The following ILRUN variants were observed in gnomAD, a reference collection of about 807,000 sequenced individuals.
ILRUN encodes the protein protein ILRUN.
Under a neutral mutation model 33.8 loss-of-function variants are expected in ILRUN, and 3 were observed. The ratio of observed to expected loss-of-function variants is 0.09; its 90% CI spans 0.04 to 0.23. The LOEUF is 0.23. Among genes scored for constraint, ILRUN ranks in the 10% least tolerant of loss-of-function variants. The pLI is 1.00. For missense variants in ILRUN, 210 were observed against 375.1 expected (o/e 0.56, Z 3.64); for synonymous variants, 124 against 138.9 (o/e 0.89, Z 0.75).
At chr6:34,682,314 G>C (rs1438481699) in intron 1 of ILRUN, among the ~76,000 whole-genome samples, 1 of 148,008 alleles carries the variant, frequency 6.8e-6, no homozygotes, top group Non-Finnish European at 1.5e-5. Flanking sequence ...CTGGAGTGCG[G>C]TGGCGCGATC....
intron 4 of ILRUN, among the ~76,000 whole-genome samples, chr6:34,596,420 A>G (rs1423687964): frequency 6.6e-6 from 1 of 152,094 alleles, no homozygotes; most frequent in Non-Finnish European, 1.5e-5. Context: ...GGGTTCAAGC[A>G]ATTCTCCTGC....
At chr6:34,612,744 T>C in intron 3 of ILRUN, among the ~76,000 whole-genome samples, 1 of 151,992 alleles carries the variant, frequency 6.6e-6, no homozygotes, top group Non-Finnish European at 1.5e-5. Flanking sequence ...CCATCCCTAC[T>C]AAAAATACAA....
intron 1 of ILRUN, among the ~76,000 whole-genome samples, chr6:34,683,529 C>A (rs111868030): frequency 2.4e-5 from 2 of 82,216 alleles, no homozygotes; most frequent in African/African-American, 1.5e-4. Flanking sequence ...TATATATATA[C>A]ATATTGCACA....
intron 3 of ILRUN, among the ~76,000 whole-genome samples, chr6:34,632,728 T>G (rs1762274431): frequency 6.6e-6 from 1 of 151,664 alleles, no homozygotes; most frequent in Admixed American, 6.6e-5. Flanking sequence ...TTTCACCATG[T>G]TAGCCAGGAT....
chr6:34,663,129 A>G (rs569700399), intron 1 of ILRUN, among the ~76,000 whole-genome samples: 48 of 152,036 alleles, frequency 3.2e-4, no homozygotes, highest in South Asian at 1.2e-3. Context: ...TGTTAAGTAC[A>G]TTTCACCACT....
At chr6:34,661,798 G>A (rs991410655) in intron 1 of ILRUN, among the ~76,000 whole-genome samples, 3 of 152,044 alleles carry the variant, frequency 2.0e-5, no homozygotes, top group Non-Finnish European at 4.4e-5. Flanking sequence ...GGCTTCTAGG[G>A]AGAGTTTGAA....
chr6:34,673,914 C>T (rs1763171907), intron 1 of ILRUN, among the ~76,000 whole-genome samples: 1 of 151,258 alleles, frequency 6.6e-6, no homozygotes, highest in South Asian at 2.1e-4. Flanking sequence ...TACACACACA[C>T]ACACACACAC....
chr6:34,609,340 A>C (rs1673337020), intron 3 of ILRUN, among the ~76,000 whole-genome samples: 1 of 152,162 alleles, frequency 6.6e-6, no homozygotes, highest in African/African-American at 2.4e-5. Flanking sequence ...AAATACAAAA[A>C]TTAGCTGGAT....
At chr6:34,669,724 A>AC (rs1763077420) in intron 1 of ILRUN, among the ~76,000 whole-genome samples, 1 of 152,182 alleles carries the variant, frequency 6.6e-6, no homozygotes, top group Non-Finnish European at 1.5e-5. Context: ...TACAAAACTA[A>AC]TTAACATAAC....
At chr6:34,600,552 T>C (rs1186948566) in intron 4 of ILRUN, among the ~76,000 whole-genome samples, 1 of 152,200 alleles carries the variant, frequency 6.6e-6, no homozygotes, top group Non-Finnish European at 1.5e-5. Flanking sequence ...TATCAAGGAA[T>C]ATAGACAGGT....
At chr6:34,673,668 G>A (rs550742123) in intron 1 of ILRUN, among the ~76,000 whole-genome samples, 2 of 152,226 alleles carry the variant, frequency 1.3e-5, no homozygotes, top group African/African-American at 4.8e-5. Flanking sequence ...AAACTAGCCT[G>A]GGCAACACAG....
At chr6:34,634,203 T>C (rs923961626) in intron 3 of ILRUN, among the ~76,000 whole-genome samples, 1 of 152,144 alleles carries the variant, frequency 6.6e-6, no homozygotes, top group Non-Finnish European at 1.5e-5. Context: ...GCATAATCTA[T>C]AGGTCAAACA....
At chr6:34,660,122 C>T (rs1427095677) in intron 1 of ILRUN, among the ~76,000 whole-genome samples, 1 of 145,984 alleles carries the variant, frequency 6.9e-6, no homozygotes, top group Admixed American at 6.9e-5. Flanking sequence ...GGTAACATGG[C>T]GAAACCTCAT....
At chr6:34,620,253 A>T (rs1312402230) in intron 3 of ILRUN, among the ~76,000 whole-genome samples, 1 of 152,192 alleles carries the variant, frequency 6.6e-6, no homozygotes, top group Non-Finnish European at 1.5e-5. Context: ...AAATTAGGTC[A>T]AGGTGAGACA....
intron 1 of ILRUN, among the ~76,000 whole-genome samples, chr6:34,683,037 G>A (rs1425566254): frequency 6.6e-6 from 1 of 151,640 alleles, no homozygotes; most frequent in African/African-American, 2.4e-5. Flanking sequence ...GTTGAGATGG[G>A]AGGATTGCTG....
chr6:34,631,734 T>TGC (rs2127348917), intron 3 of ILRUN, among the ~76,000 whole-genome samples: 1 of 152,318 alleles, frequency 6.6e-6, no homozygotes, highest in Non-Finnish European at 1.5e-5. Context: ...TGCCAGGGGC[T>TGC]GCAGGAAGGG....
chr6:34,665,463 A>G (rs568039621), intron 1 of ILRUN, among the ~76,000 whole-genome samples: 2 of 152,162 alleles, frequency 1.3e-5, no homozygotes, highest in Admixed American at 6.6e-5. Flanking sequence ...CAGAGAGAGA[A>G]GGAGAGATAT....
chr6:34,667,352 C>T (rs1763026546), intron 1 of ILRUN, among the ~76,000 whole-genome samples: 1 of 152,132 alleles, frequency 6.6e-6, no homozygotes, highest in Admixed American at 6.6e-5. Context: ...GCTTTATTCA[C>T]CATGAATTCC....
intron 4 of ILRUN, among the ~76,000 whole-genome samples, chr6:34,598,924 T>C (rs751931384): frequency 8.5e-5 from 13 of 152,236 alleles, no homozygotes; most frequent in Non-Finnish European, 1.8e-4. Context: ...AAGTCCCTTC[T>C]GGTACACAGT....
Sources: allele counts gnomAD v4.1 joint callset (sites outside exome capture counted in the v4.1 genomes callset), GRCh38; gene constraint gnomAD v4.1.1; transcripts MANE v1.5; gene names NCBI Gene and HGNC (gene_info 2026-07-23, HGNC 2026-07-21).